The following L3MBTL1 variants were observed in gnomAD, a reference collection of about 807,000 sequenced individuals.
L3MBTL1 encodes L3MBTL histone methyl-lysine binding protein 1.
A neutral mutation model predicts 105.3 loss-of-function variants in L3MBTL1; 75 were observed. That is an observed-to-expected ratio of 0.71 (90% CI 0.59 to 0.86). The LOEUF (loss-of-function observed/expected upper bound fraction) is 0.86, where lower values mean the gene tolerates loss of function less well. L3MBTL1 is among the 40% of genes least tolerant of loss of function. The probability of loss-of-function intolerance (pLI) is 0.00; values close to 1 mark genes in which losing one functional copy is unlikely to be tolerated. For synonymous variants in L3MBTL1, 452 were observed against 436.2 expected (o/e 1.04, Z -0.45); for missense variants, 1,069 against 1,126.4 (o/e 0.95, Z 0.73).
intron 7 of L3MBTL1, among the ~76,000 whole-genome samples, chr20:43,525,965 T>C (rs559432601): frequency 2.0e-5 from 3 of 152,280 alleles, no homozygotes; most frequent in South Asian, 4.1e-4. Context: ...ACTTGGTAAG[T>C]GTTGTGACTA....
rs2018311110 is a variant in L3MBTL1 at position 43,515,062 on chromosome 20, G to A, written c.556G>A (p.Asp186Asn). The A allele has an allele frequency of 1.2e-6, 2 of 1,614,134 alleles. No individual in the cohort carries two copies. Among genetic ancestry groups the A allele is most frequent in the East Asian group, 4.5e-5 (2 of 44,886 alleles). Reference sequence around the variant, plus strand: ...TCCCAATCAGGACCCCCCAGAGGATGATAGCACCTGTCAGTGCCAGGCGTG... The same window carrying A: ...TCCCAATCAGGACCCCCCAGAGGATAATAGCACCTGTCAGTGCCAGGCGTG... ...EDPNQDPPED[D>N]STCQCQACGP... is the part of the protein sequence containing the mutation. Residue 186 changes from aspartate to asparagine, a missense_variant, in exon 5 of 22, where the codon GAT (aspartate) becomes AAT (asparagine). Coordinates refer to ENST00000418998, the MANE Select transcript of L3MBTL1 (RefSeq NM_001377303.1).
intron 19 of L3MBTL1, among the ~76,000 whole-genome samples, chr20:43,537,135 C>T (rs2019672504): frequency 2.0e-5 from 3 of 152,374 alleles, no homozygotes. Flanking sequence ...CCTCCTGCTG[C>T]ATGCTGCTGG....
rs1368029971 is a variant in L3MBTL1 at position 43,532,936 on chromosome 20, G to A, written c.1436+12G>A. On this transcript the variant is annotated intron_variant, in intron 12 of 21. Coordinates refer to ENST00000418998, the MANE Select transcript of L3MBTL1 (RefSeq NM_001377303.1). ...ACTTATGACTACTGGTAGTAGGAGG[G>A]CCCAGACTTGGCCTCAGGGGGTGAG... The A allele has an allele frequency of 6.2e-7, 1 of 1,614,068 alleles. No homozygotes were observed. The highest frequency in any genetic ancestry group is 8.5e-7 in the Non-Finnish European group (1 of 1,179,982).
chr20:43,529,618 G>A (rs1200787323), intron 9 of L3MBTL1, among the ~76,000 whole-genome samples: 1 of 152,200 alleles, frequency 6.6e-6, no homozygotes, highest in African/African-American at 2.4e-5. Flanking sequence ...GGCCAGGGAT[G>A]TTGGCATGAG....
chr20:43,524,549 ACT>A (rs1315940425), intron 7 of L3MBTL1, among the ~76,000 whole-genome samples: 1 of 152,198 alleles, frequency 6.6e-6, no homozygotes. Context: ...CACAGAACAA[ACT>A]CTGCCTGCTG....
downstream of L3MBTL1, chr20:43,541,930 G>C (rs898640748): frequency 1.1e-5 from 11 of 984,798 alleles, no homozygotes; most frequent in Non-Finnish European, 1.3e-5. Flanking sequence ...AACTTTGTCG[G>C]CCGGGCACAG....
chr20:43,513,761 C>T lies in L3MBTL1; in HGVS notation c.137-77C>T, dbSNP rs2018205887. 4 of 1,533,366 alleles carry T rather than the reference C, an allele frequency of 2.6e-6. No homozygotes were observed. In the South Asian group the frequency reaches 3.6e-5, roughly 14 times the overall value. 95.0% of individuals were successfully genotyped at this position (1,533,366 alleles called of 1,614,324 possible). A position where few individuals can be genotyped will look rare whatever the true frequency, so the allele number is the denominator to read the frequency against. On this transcript the variant is annotated intron_variant, in intron 2 of 21. Transcript: ENST00000418998. ...TCCTCCACCTGCCTTCCTTCACATGCCTACACATGCATGGCCGGATTGAGG... is the reference window on the plus strand; with the variant it reads ...TCCTCCACCTGCCTTCCTTCACATGTCTACACATGCATGGCCGGATTGAGG...
rs2019923249 is a variant in L3MBTL1, at chr20:43,541,719, T to C, written c.*591T>C. The C allele has an allele frequency of 1.4e-6, 1 of 713,796 alleles. No homozygotes were observed. Among genetic ancestry groups the C allele is most frequent in the Non-Finnish European group, 1.7e-6 (1 of 580,762 alleles). 44.2% of individuals were successfully genotyped at this position (713,796 alleles called of 1,614,324 possible). A position where few individuals can be genotyped will look rare whatever the true frequency, so the allele number is the denominator to read the frequency against. On this transcript the variant is annotated 3_prime_UTR_variant, in exon 22 of 22. Transcript: ENST00000418998. Reference sequence around the variant, plus strand: ...CTGTATATGTTCCACTATAATCTTATGGGACCATGGTTTTAAATGTGGAAT... The same window carrying C: ...CTGTATATGTTCCACTATAATCTTACGGGACCATGGTTTTAAATGTGGAAT...
chr20:43,523,098 C>A (rs1037073335), intron 7 of L3MBTL1, among the ~76,000 whole-genome samples: 2 of 151,598 alleles, frequency 1.3e-5, no homozygotes, highest in South Asian at 2.1e-4. Context: ...CAGAGTGAGA[C>A]CCTGTCTCAA....
chr20:43,541,134 A>G lies in L3MBTL1; in HGVS notation c.*6A>G. ...CCAGTGATAGTCAATATTAAAGTGT[A>G]CTTTTTTCCCCTTTAATCCAATATA... is the stretch of plus-strand genomic sequence containing the variant. On this transcript the variant is annotated 3_prime_UTR_variant, in exon 22 of 22. Transcript: ENST00000418998. The G allele has an allele frequency of 1.2e-6, 2 of 1,610,626 alleles. No homozygotes were observed. The highest frequency in any genetic ancestry group is 1.7e-6 in the Non-Finnish European group (2 of 1,177,128).
rs1183693203 is a variant in L3MBTL1 at position 43,513,980 on chromosome 20, G to A, written c.279G>A (p.Gly93=). The change falls in exon 3 of 22, where the codon GGG becomes GGA. Residue 93 remains glycine, a synonymous_variant. Transcript: ENST00000418998. ...CCGTCCTGCCGCAGCTTAGCGCCGG[G>A]CCGGCCAGCTCCAGCACCAGCACAG... The part of the protein sequence containing the change: ...SATVLPQLSA[G]PASSSTSTVR... 3 of 1,546,300 alleles carry A rather than the reference G, an allele frequency of 1.9e-6. No homozygotes were observed. The highest frequency in any genetic ancestry group is 2.7e-5 in the African/African-American group (2 of 73,172).
At chr20:43,515,899 C>T in intron 6 of L3MBTL1, 194 bp from the exon 7 acceptor site, 1 of 576,738 alleles carries the variant, frequency 1.7e-6, no homozygotes, top group Middle Eastern at 4.7e-4. Flanking sequence ...TGTGCATGCT[C>T]ATGTGAGTCT....
chr20:43,510,147 G>T (rs879688794), intron 1 of L3MBTL1, among the ~76,000 whole-genome samples: 1 of 151,978 alleles, frequency 6.6e-6, no homozygotes, highest in Non-Finnish European at 1.5e-5. Context: ...GAGCCACCAC[G>T]CATGGCCTGC....
At position 43,513,740 on chromosome 20, in the gene L3MBTL1, C is replaced by G. The variant is rs147229346; in HGVS notation, c.137-98C>G. The G allele has an allele frequency of 1.8e-4, 280 of 1,537,240 alleles. 3 individuals are homozygous for G. The East Asian group carries it at 6.3e-3, about 35-fold the overall frequency. On this transcript the variant is annotated intron_variant, in intron 2 of 21. Transcript: ENST00000418998. ...AGGGGATGACCGTTTTCACTGTCCT[C>G]CACCTGCCTTCCTTCACATGCCTAC... is the stretch of plus-strand genomic sequence containing the variant.
intron 1 of L3MBTL1, among the ~76,000 whole-genome samples, chr20:43,511,583 T>C (rs1417792175): frequency 6.6e-6 from 1 of 151,664 alleles, no homozygotes; most frequent in African/African-American, 2.4e-5. Flanking sequence ...GGAGTTCCAG[T>C]CCAGCCTGGC....
intron 7 of L3MBTL1, among the ~76,000 whole-genome samples, chr20:43,518,673 G>GT (rs1472333901): frequency 3.3e-5 from 5 of 151,444 alleles, no homozygotes; most frequent in African/African-American, 1.2e-4. Context: ...TATGGATACT[G>GT]TTTTTTTTCC....
chr20:43,513,418 T>C, intron 1 of L3MBTL1, 58 bp from the exon 2 acceptor site: 1 of 1,483,244 alleles, frequency 6.7e-7, no homozygotes, highest in Non-Finnish European at 9.0e-7. Flanking sequence ...CACATCTCCA[T>C]TGCTGCTGTA....
rs371127700 is a variant in L3MBTL1, at chr20:43,532,267, C to T, written c.1285-506C>T. 5 of 153,018 alleles carry T rather than the reference C, an allele frequency of 3.3e-5. 1 individual carries two copies. Among genetic ancestry groups the T allele is most frequent in the Admixed American group, 1.3e-4 (2 of 15,378 alleles). The allele number at this position is 153,018 out of a possible 1,614,324, so 9.5% of individuals were successfully genotyped here. Reference sequence around the variant, plus strand: ...CGTTGACTAGCATTGTGTTCTGGGCCAAGTGATTTAACTTCTTAAATGGGA... The same window carrying T: ...CGTTGACTAGCATTGTGTTCTGGGCTAAGTGATTTAACTTCTTAAATGGGA... On this transcript the variant is annotated intron_variant, in intron 11 of 21. Transcript: ENST00000418998.
intron 2 of L3MBTL1, 47 bp from the exon 3 acceptor site, chr20:43,513,791 G>T: frequency 6.5e-7 from 1 of 1,541,312 alleles, no homozygotes; most frequent in Non-Finnish European, 8.8e-7. Context: ...TTGAGGTAGG[G>T]CCACTAGACT....
Sources: allele counts gnomAD v4.1 joint callset (sites outside exome capture counted in the v4.1 genomes callset), GRCh38; gene constraint gnomAD v4.1.1; transcripts MANE v1.5; gene names NCBI Gene and HGNC (gene_info 2026-07-23, HGNC 2026-07-21).